The following SHMT2 variants were observed in gnomAD, a reference collection of about 807,000 sequenced individuals.
SHMT2 encodes serine hydroxymethyltransferase, mitochondrial.
SHMT2 carries 38 observed loss-of-function variants against 59.6 expected under a neutral mutation model. That is an observed-to-expected ratio of 0.64 (90% CI 0.49 to 0.84). The LOEUF is 0.84. Ranked by LOEUF, SHMT2 falls within the 40% of genes least tolerant of loss-of-function variation. SHMT2 has a pLI of 0.00. For synonymous variants in SHMT2, 254 were observed against 258.1 expected (o/e 0.98, Z 0.15); for missense variants, 533 against 659.5 (o/e 0.81, Z 2.10).
chr12:57,234,174 G>A (rs1462945519), intron 11 of SHMT2, 60 bp from the exon 12 acceptor site: 2 of 1,613,812 alleles, frequency 1.2e-6, no homozygotes, highest in East Asian at 2.2e-5. Flanking sequence ...CCCTCCCCCA[G>A]CTGATCTCAC....
Position 57,231,756 on chromosome 12 carries a change from T to C in SHMT2, c.355T>C (p.Cys119Arg), listed in dbSNP as rs746120843. 1.2e-6 allele frequency: 2 copies of C among 1,614,096 alleles called. No homozygotes were observed. The highest frequency in any genetic ancestry group is 3.3e-5 in the Admixed American group (2 of 60,012). Residue 119 changes from cysteine to arginine, a missense_variant, in exon 4 of 12, where the codon TGC becomes CGC. By Grantham distance (180) the Cys-to-Arg change is radical. Coordinates refer to ENST00000328923, the MANE Select transcript of SHMT2 (RefSeq NM_005412.6). ...AEVVDEIELL[C>R]QRRALEAFDL... is the part of the protein sequence containing the mutation. ...GGTGGTGGATGAAATTGAGCTGCTG[T>C]GCCAGCGCCGGGCCTTGGAAGCCTT...
rs777019730 is a variant in SHMT2 at position 57,231,776 on chromosome 12, A to C, written c.375A>C (p.Glu125Asp). 6.2e-7 allele frequency: 1 copy of C among 1,614,044 alleles called. No homozygotes were observed. Among genetic ancestry groups the C allele is most frequent in the Non-Finnish European group, 8.5e-7 (1 of 1,179,966 alleles). Residue 125 changes from glutamate to aspartate, a missense_variant, in exon 4 of 12, where the codon GAA (glutamate) becomes GAC (aspartate). Coordinates refer to ENST00000328923, the MANE Select transcript of SHMT2 (RefSeq NM_005412.6). Reference protein sequence around the residue: ...IELLCQRRALEAFDLDPAQWG... With the variant: ...IELLCQRRALDAFDLDPAQWG... Reference sequence around the variant, plus strand: ...TGCTGTGCCAGCGCCGGGCCTTGGAAGCCTTTGACCTGGATCCTGCACAGT... The same window carrying C: ...TGCTGTGCCAGCGCCGGGCCTTGGACGCCTTTGACCTGGATCCTGCACAGT...
intron 4 of SHMT2, 50 bp from the exon 5 acceptor site, chr12:57,232,161 A>G: frequency 6.5e-7 from 1 of 1,532,356 alleles, no homozygotes; most frequent in Non-Finnish European, 9.0e-7. Flanking sequence ...GGAGTGGTTA[A>G]GTCCGGGGGT....
Position 57,233,078 on chromosome 12 carries a change from G to A in SHMT2, c.858-102G>A, listed in dbSNP as rs116115007. 1.4e-3 allele frequency: 1,904 copies of A among 1,380,234 alleles called. 25 individuals are homozygous for A. In the African/African-American group the frequency reaches 0.025, roughly 18 times the overall value. 85.5% of individuals were successfully genotyped at this position (1,380,234 alleles called of 1,614,324 possible). A position where few individuals can be genotyped will look rare whatever the true frequency, so the allele number is the denominator to read the frequency against. On this transcript the variant is annotated intron_variant, in intron 7 of 11. Coordinates refer to ENST00000328923, the MANE Select transcript of SHMT2 (RefSeq NM_005412.6). ...CTGGAATCCAGTGTACCAAGCCCACGTGAGCTGTGCCCTTGGGGCCCAGGT... is the reference window on the plus strand; with the variant it reads ...CTGGAATCCAGTGTACCAAGCCCACATGAGCTGTGCCCTTGGGGCCCAGGT...
At position 57,232,308 on chromosome 12, in the gene SHMT2, T is replaced by C. The variant is rs2037354779; in HGVS notation, c.594+16T>C. On this transcript the variant is annotated intron_variant, in intron 5 of 11. Coordinates refer to ENST00000328923, the MANE Select transcript of SHMT2 (RefSeq NM_005412.6). Reference sequence around the variant, plus strand: ...TAAGCTCAACGTGAGTGCTCTAGGGTGTGGGGAGGGGCTCTTGGCCCTGGT... The same window carrying C: ...TAAGCTCAACGTGAGTGCTCTAGGGCGTGGGGAGGGGCTCTTGGCCCTGGT... 6.2e-7 allele frequency: 1 copy of C among 1,612,806 alleles called. No individual in the cohort carries two copies. Among genetic ancestry groups the C allele is most frequent in the Admixed American group, 1.7e-5 (1 of 59,982 alleles).
chr12:57,229,993 G>T lies in SHMT2; in HGVS notation c.33+182G>T, dbSNP rs1180320448. The T allele has an allele frequency of 2.8e-6, 4 of 1,440,894 alleles. No individual in the cohort carries two copies. In the East Asian group the frequency reaches 7.5e-5, roughly 27 times the overall value. 89.3% of individuals were successfully genotyped at this position (1,440,894 alleles called of 1,614,324 possible). A position where few individuals can be genotyped will look rare whatever the true frequency, so the allele number is the denominator to read the frequency against. On this transcript the variant is annotated intron_variant, in intron 1 of 11. Transcript: ENST00000328923. ...CCTGGGCGCGCGTGGAGTTAACTGC[G>T]AGCCTGTCCTCATTCTGGCGATCAG...
At position 57,234,023 on chromosome 12, in the gene SHMT2, C is replaced by T. The variant is rs759124152; in HGVS notation, c.1300C>T (p.Arg434Ter). The change falls in exon 11 of 12, where the codon CGA becomes TGA. Residue 434 changes from arginine (R) to a stop codon, truncating the protein, a stop_gained. Coordinates refer to ENST00000328923, the MANE Select transcript of SHMT2 (RefSeq NM_005412.6). LOFTEE classifies it high-confidence loss of function. ...LRLGAPALTS[R>*]QFREDDFRRV... ...TCCAGGGGCCCCAGCCTTAACTTCT[C>T]GACAGTTCCGTGAGGATGACTTCCG... The T allele has an allele frequency of 9.3e-6, 15 of 1,614,036 alleles. No individual in the cohort carries two copies. Among genetic ancestry groups the T allele is most frequent in the Admixed American group, 5.0e-5 (3 of 60,000 alleles).
rs1219218052 is a variant in SHMT2, at chr12:57,232,760, G to A, written c.774G>A (p.Leu258=). 1 of 1,613,496 alleles carries A rather than the reference G, an allele frequency of 6.2e-7. No individual in the cohort carries two copies. The highest frequency in any genetic ancestry group is 1.3e-5 in the African/African-American group (1 of 75,058). The change falls in exon 7 of 12, where the codon CTG becomes CTA. Residue 258 remains leucine (L), a synonymous_variant. Coordinates refer to ENST00000328923, the MANE Select transcript of SHMT2 (RefSeq NM_005412.6). Reference sequence around the variant, plus strand: ...CAGACATGGCCCACATCAGTGGCCTGGTGGCTGCCAAGGTGATTCCCTCGC... The same window carrying A: ...CAGACATGGCCCACATCAGTGGCCTAGTGGCTGCCAAGGTGATTCCCTCGC... ...LLADMAHISG[L]VAAKVIPSPF...
intron 1 of SHMT2, chr12:57,230,494 C>T: frequency 1.6e-6 from 2 of 1,252,338 alleles, no homozygotes; most frequent in South Asian, 3.4e-5. Context: ...TCTCAGTTGC[C>T]CTCTCTGGAG....
intron 1 of SHMT2, chr12:57,230,056 A>G: frequency 2.1e-6 from 3 of 1,411,048 alleles, no homozygotes; most frequent in Non-Finnish European, 2.8e-6. Flanking sequence ...TTCACGTGGC[A>G]TTAGGGGAGA....
At chr12:57,229,832 G>C in intron 1 of SHMT2, 21 bp downstream of exon 1, 1 of 1,614,044 alleles carries the variant, frequency 6.2e-7, no homozygotes, top group Admixed American at 1.7e-5. Flanking sequence ...GGCTCCAAAC[G>C]CTGGGTAATC....
In SHMT2 at chr12:57,233,984, C is replaced by T; in HGVS notation, c.1280-19C>T. On this transcript the variant is annotated intron_variant, in intron 10 of 11. Coordinates refer to ENST00000328923, the MANE Select transcript of SHMT2 (RefSeq NM_005412.6). ...TGACCTTGGGCTATGCTCATCCCTC[C>T]CCTTGTGCCTCGTTCCAGGGGCCCC... is the stretch of plus-strand genomic sequence containing the variant. The T allele has an allele frequency of 6.2e-7, 1 of 1,614,132 alleles. No individual in the cohort carries two copies. The highest frequency in any genetic ancestry group is 8.5e-7 in the Non-Finnish European group (1 of 1,179,958).
At chr12:57,232,048 A>T (rs887774498) in intron 4 of SHMT2, 135 bp downstream of exon 4, 7 of 1,166,028 alleles carry the variant, frequency 6.0e-6, no homozygotes, top group Non-Finnish European at 8.7e-6. Flanking sequence ...GTGGATGAGG[A>T]AGATAAGATC....
rs2037474031 is a variant in SHMT2 at position 57,234,527 on chromosome 12, T to C, written c.*166T>C. ...TTCCCAGAATTTGTAACTGAGAAGA[T>C]CTTTTCTTTTTCCTTTTTTTGGTAA... On this transcript the variant is annotated 3_prime_UTR_variant, in exon 12 of 12. Transcript: ENST00000328923. 1 of 680,294 alleles carries C rather than the reference T, an allele frequency of 1.5e-6. No individual in the cohort carries two copies. The highest frequency in any genetic ancestry group is 1.8e-5 in the African/African-American group (1 of 54,480). The allele number at this position is 680,294 out of a possible 1,614,324, so 42.1% of individuals were successfully genotyped here. A position where few individuals can be genotyped will look rare whatever the true frequency, so the allele number is the denominator to read the frequency against.
chr12:57,231,097 C>A, intron 2 of SHMT2, 97 bp downstream of exon 2: 2 of 1,197,090 alleles, frequency 1.7e-6, no homozygotes, highest in Non-Finnish European at 2.4e-6. Context: ...CCCTTTCACA[C>A]TCAGGACCTT....
At chr12:57,232,643 G>C (rs2037374015) in intron 6 of SHMT2, 61 bp from the exon 7 acceptor site, 1 of 1,610,938 alleles carries the variant, frequency 6.2e-7, no homozygotes, top group African/African-American at 1.3e-5. Context: ...GAGGAGGGCA[G>C]CCTTGGGCAG....
intron 2 of SHMT2, 65 bp downstream of exon 2, chr12:57,231,065 TA>T: frequency 6.8e-7 from 1 of 1,480,232 alleles, no homozygotes; most frequent in Non-Finnish European, 9.4e-7. Flanking sequence ...AAAGTTATCT[TA>T]ACTGATATTT....
At position 57,232,562 on chromosome 12, in the gene SHMT2, C is replaced by A. The variant is rs760935958; in HGVS notation, c.704C>A (p.Ala235Asp). ...GCCTATGCTCGCCTCATTGACTACG[C>A]CCGCATGAGAGAGGTTGGTGGGGGG... ...TSAYARLIDY[A>D]RMREVCDEVK... The change falls in exon 6 of 12, where the codon GCC becomes GAC. Residue 235 changes from alanine to aspartate, a missense_variant. Physicochemically the swap from Ala to Asp is moderately radical, Grantham distance 126. Transcript: ENST00000328923. The A allele has an allele frequency of 6.2e-7, 1 of 1,614,186 alleles. No homozygotes were observed. Among genetic ancestry groups the A allele is most frequent in the South Asian group, 1.1e-5 (1 of 91,092 alleles).
intron 1 of SHMT2, chr12:57,230,218 A>T (rs2037255900): frequency 2.4e-6 from 3 of 1,265,866 alleles, no homozygotes; most frequent in Admixed American, 5.3e-5. Flanking sequence ...TCCCGGCGGC[A>T]GTGAGGGCTG....
Sources: gnomAD v4.1 joint callset for allele counts on GRCh38, gnomAD v4.1.1 for gene constraint, MANE v1.5 for transcripts, NCBI Gene and HGNC (gene_info 2026-07-23, HGNC 2026-07-21) for gene names.